The following ROBO2 variants were observed in gnomAD, a reference collection of about 807,000 sequenced individuals.
ROBO2 encodes the protein roundabout guidance receptor 2.
In ROBO2, 53 loss-of-function variants were observed where a neutral mutation model predicts 160.8. That is an observed-to-expected ratio of 0.33 (90% CI 0.26 to 0.41). The LOEUF (loss-of-function observed/expected upper bound fraction) is 0.41, where lower values mean the gene tolerates loss of function less well. ROBO2 is among the 10% of genes least tolerant of loss of function. The pLI, the probability that ROBO2 is intolerant of heterozygous loss-of-function variation, is 1.00. For synonymous variants in ROBO2, 664 were observed against 611.7 expected, an observed-to-expected ratio of 1.09 and a Z score of -1.26; for missense variants, 1,577 against 1,722.4, an observed-to-expected ratio of 0.92 and a Z score of 1.49.
intron 2 of ROBO2, among the ~76,000 whole-genome samples, chr3:76,999,308 G>A (rs1302245493): frequency 6.6e-6 from 1 of 151,964 alleles, no homozygotes; most frequent in Non-Finnish European, 1.5e-5. Flanking sequence ...AAGTAAGAGA[G>A]GGCACTCAAG....
intron 2 of ROBO2, among the ~76,000 whole-genome samples, chr3:77,362,020 T>TA (rs1194421178): frequency 1.3e-5 from 2 of 152,092 alleles, no homozygotes; most frequent in Non-Finnish European, 2.9e-5. Context: ...ATTAACCAAA[T>TA]AATCTCACAA....
intron 2 of ROBO2, among the ~76,000 whole-genome samples, chr3:76,121,701 T>A (rs1019117087): frequency 2.0e-5 from 3 of 152,172 alleles, no homozygotes; most frequent in Admixed American, 2.0e-4. Flanking sequence ...AAAACTCATC[T>A]GAATAGTTAT....
At chr3:77,292,572 T>C (rs2061433608) in intron 2 of ROBO2, among the ~76,000 whole-genome samples, 1 of 151,162 alleles carries the variant, frequency 6.6e-6, no homozygotes, top group South Asian at 2.1e-4. Flanking sequence ...AAATTGATGG[T>C]TAAATGGGTA....
At chr3:77,403,593 T>C (rs1363411751) in intron 2 of ROBO2, among the ~76,000 whole-genome samples, 5 of 91,176 alleles carry the variant, frequency 5.5e-5, no homozygotes, top group Non-Finnish European at 1.1e-4. Context: ...TGTGTGTGTG[T>C]GTGTGTGTGT....
rs3849473 is a variant in ROBO2, at chr3:75,994,494, G to A, written c.109+56892G>A. On this transcript the variant is annotated intron_variant, in intron 2 of 26. Coordinates refer to the ROBO2 transcript ENST00000487694. ...CTCACAAGTTCTGACGGTTTTATAA[G>A]CATTTGGCATTTCCCCTGCTGGCAC... Among the ~76,000 whole-genome samples, 82 of 152,240 alleles carry A rather than the reference G, an allele frequency of 5.4e-4. 2 individuals are homozygous for A. In the South Asian group the frequency reaches 0.017, roughly 31 times the overall value.
At chr3:77,566,373 A>G (rs926304277) in intron 12 of ROBO2, among the ~76,000 whole-genome samples, 8 of 152,102 alleles carry the variant, frequency 5.3e-5, no homozygotes, top group Non-Finnish European at 8.8e-5. Context: ...GGAATTTGAA[A>G]ATCTGAAATT....
At chr3:76,344,088 C>A (rs1266029468) in intron 2 of ROBO2, among the ~76,000 whole-genome samples, 1 of 151,982 alleles carries the variant, frequency 6.6e-6, no homozygotes. Flanking sequence ...GCTATTATGA[C>A]AGTAAATTCT....
intron 2 of ROBO2, among the ~76,000 whole-genome samples, chr3:76,030,681 G>A: frequency 6.6e-6 from 1 of 152,094 alleles, no homozygotes; most frequent in East Asian, 1.9e-4. Context: ...GGTTGTAGAT[G>A]TGTGATGTTA....
At chr3:76,674,454 A>C (rs978645632) in intron 2 of ROBO2, among the ~76,000 whole-genome samples, 1 of 152,032 alleles carries the variant, frequency 6.6e-6, no homozygotes, top group African/African-American at 2.4e-5. Context: ...ATTGGCTGTC[A>C]TGCTTTACCC....
chr3:76,170,796 G>A (rs892591656), intron 2 of ROBO2, among the ~76,000 whole-genome samples: 12 of 152,070 alleles, frequency 7.9e-5, no homozygotes, highest in African/African-American at 2.4e-4. Context: ...GCCAAATAAT[G>A]CTATTGAAAT....
chr3:76,760,692 A>G (rs1328707315), intron 2 of ROBO2, among the ~76,000 whole-genome samples: 1 of 143,518 alleles, frequency 7.0e-6, no homozygotes, highest in Non-Finnish European at 1.5e-5. Context: ...TGAATGGATT[A>G]GCAGTATCTT....
At chr3:77,147,025 C>T (rs1481555666) in intron 2 of ROBO2, among the ~76,000 whole-genome samples, 2 of 152,074 alleles carry the variant, frequency 1.3e-5, no homozygotes, top group East Asian at 3.9e-4. Flanking sequence ...AATATGTACA[C>T]TGGGGACTCA....
intron 2 of ROBO2, among the ~76,000 whole-genome samples, chr3:76,395,727 A>G (rs564004054): frequency 6.6e-6 from 1 of 152,220 alleles, no homozygotes; most frequent in Non-Finnish European, 1.5e-5. Flanking sequence ...TCTAGAAGAA[A>G]CAGATGAATT....
chr3:76,343,996 GTGGGGC>G (rs1463326663), intron 2 of ROBO2, among the ~76,000 whole-genome samples: 1 of 152,102 alleles, frequency 6.6e-6, no homozygotes, highest in Admixed American at 6.5e-5. Context: ...TATCTTTAAA[GTGGGGC>G]TGTTTTTCCC....
At chr3:76,001,770 C>T in intron 2 of ROBO2, among the ~76,000 whole-genome samples, 1 of 152,134 alleles carries the variant, frequency 6.6e-6, no homozygotes, top group Non-Finnish European at 1.5e-5. Context: ...GTCTTGAACT[C>T]TTGAGCTCAA....
intron 22 of ROBO2, among the ~76,000 whole-genome samples, chr3:77,619,959 G>T (rs1272830942): frequency 2.0e-5 from 3 of 152,178 alleles, no homozygotes; most frequent in African/African-American, 4.8e-5. Flanking sequence ...AAAGGCCTAG[G>T]TTTTCACCCC....
At chr3:76,765,894 T>TCCA (rs2061553222) in intron 2 of ROBO2, among the ~76,000 whole-genome samples, 1 of 151,664 alleles carries the variant, frequency 6.6e-6, no homozygotes, top group Non-Finnish European at 1.5e-5. Context: ...TGGGACAATT[T>TCCA]GTTACACATC....
At chr3:77,284,767 A>G (rs1180512618) in intron 2 of ROBO2, among the ~76,000 whole-genome samples, 2 of 152,168 alleles carry the variant, frequency 1.3e-5, no homozygotes, top group African/African-American at 2.4e-5. Context: ...TAATATTATT[A>G]ATAATAATAT....
intron 2 of ROBO2, among the ~76,000 whole-genome samples, chr3:76,856,478 G>T (rs1322510093): frequency 2.0e-5 from 3 of 152,118 alleles, no homozygotes; most frequent in Admixed American, 1.3e-4. Context: ...AATTCTGAAT[G>T]CAATACACTA....
Sources: allele counts gnomAD v4.1 joint callset (sites outside exome capture counted in the v4.1 genomes callset), GRCh38; gene constraint gnomAD v4.1.1; transcripts MANE v1.5; gene names NCBI Gene and HGNC (gene_info 2026-07-23, HGNC 2026-07-21).